The following BCAT2 variants were observed in gnomAD, a reference collection of about 807,000 sequenced individuals.
BCAT2 encodes branched chain amino acid transaminase 2, also known as branched-chain-amino-acid aminotransferase, mitochondrial.
A neutral mutation model predicts 52.9 loss-of-function variants in BCAT2; 44 were observed. The observed-to-expected ratio is 0.83, with a 90% CI of 0.65 to 1.07. The LOEUF (loss-of-function observed/expected upper bound fraction) is 1.07, where lower values mean the gene tolerates loss of function less well. Ranked by LOEUF, BCAT2 falls within the 50% of genes least tolerant of loss-of-function variation. The pLI is 0.00. For synonymous variants in BCAT2, 215 were observed against 217.1 expected, an observed-to-expected ratio of 0.99 and a Z score of 0.08; for missense variants, 478 against 521.8, an observed-to-expected ratio of 0.92 and a Z score of 0.82.
chr19:48,796,383 C>G (rs950530751), intron 10 of BCAT2, 45 bp downstream of exon 10: 1 of 1,611,654 alleles, frequency 6.2e-7, no homozygotes, highest in African/African-American at 1.3e-5. Context: ...CCAACTTCTC[C>G]AGGGAACAAG....
At position 48,807,218 on chromosome 19, in the gene BCAT2, T is replaced by G; in HGVS notation, c.25-144A>C. On this transcript the variant is annotated intron_variant, in intron 1 of 10. Transcript: ENST00000316273. The surrounding 1 kb of genome is among the most constrained non-coding windows in gnomAD (Gnocchi z 4.6). ...AGTCCATTCTAGACGGGGCAGGTGGTCCTGAAGGAGGCCAAGTCCCCTCCC... is the reference window on the plus strand; with the variant it reads ...AGTCCATTCTAGACGGGGCAGGTGGGCCTGAAGGAGGCCAAGTCCCCTCCC... 2.9e-6 allele frequency: 2 copies of G among 700,226 alleles called. No homozygotes were observed. Among genetic ancestry groups the G allele is most frequent in the Non-Finnish European group, 4.7e-6 (2 of 426,324 alleles). 43.4% of individuals were successfully genotyped at this position (700,226 alleles called of 1,614,324 possible).
intron 3 of BCAT2, 49 bp from the exon 4 acceptor site, chr19:48,800,346 A>C: frequency 6.6e-7 from 1 of 1,523,548 alleles, no homozygotes; most frequent in South Asian, 1.1e-5. Flanking sequence ...CCAGACAGTC[A>C]TGAGAGACAC....
rs533276867 is a variant in BCAT2, at chr19:48,799,877, C to A, written c.532-39G>T. The A allele has an allele frequency of 3.5e-4, 553 of 1,580,360 alleles. 4 individuals are homozygous for A. In the South Asian group the frequency reaches 6.0e-3, roughly 17 times the overall value. On this transcript the variant is annotated intron_variant, in intron 5 of 10. Coordinates refer to ENST00000316273, the MANE Select transcript of BCAT2 (RefSeq NM_001190.4). This position sits in a 1 kb window ranked among gnomAD's most constrained non-coding sequence, Gnocchi z 5.5. Reference sequence around the variant, plus strand: ...AGGGACAGCGTCAGGAGTCCAGGCCCCCAGTCCCTTCCCGTCCCCAGGCCC... The same window carrying A: ...AGGGACAGCGTCAGGAGTCCAGGCCACCAGTCCCTTCCCGTCCCCAGGCCC...
At position 48,797,035 on chromosome 19, in the gene BCAT2, T is replaced by C; in HGVS notation, c.839-13A>G. On this transcript the variant is annotated splice_polypyrimidine_tract_variant and intron_variant, in intron 7 of 10. Coordinates refer to ENST00000316273, the MANE Select transcript of BCAT2 (RefSeq NM_001190.4). Reference sequence around the variant, plus strand: ...ACCAGCTCCAGCACTAGGGCAGGTGTAAGGGGTGGAAGATGTTACCTCTCA... The same window carrying C: ...ACCAGCTCCAGCACTAGGGCAGGTGCAAGGGGTGGAAGATGTTACCTCTCA... The C allele has an allele frequency of 6.2e-7, 1 of 1,613,974 alleles. No individual in the cohort carries two copies. Among genetic ancestry groups the C allele is most frequent in the South Asian group, 1.1e-5 (1 of 91,074 alleles).
Position 48,807,667 on chromosome 19 carries a change from G to C in BCAT2, c.25-593C>G, listed in dbSNP as rs944912295. 1 of 950,730 alleles carries C rather than the reference G, an allele frequency of 1.1e-6. No homozygotes were observed. The highest frequency in any genetic ancestry group is 1.8e-5 in the African/African-American group (1 of 56,242). The allele number at this position is 950,730 out of a possible 1,614,324, so 58.9% of individuals were successfully genotyped here. The stretch of plus-strand genomic sequence containing the variant: ...CCCACCCCTCCTCCCTCAGACCCAG[G>C]AGTCCAGTTCCCCAGCCCCTCCTCC... On this transcript the variant is annotated intron_variant, in intron 1 of 10. Transcript: ENST00000316273. This position sits in a 1 kb window ranked among gnomAD's most constrained non-coding sequence, Gnocchi z 4.6.
chr19:48,810,848 C>T lies in BCAT2; in HGVS notation c.24+136G>A, dbSNP rs2122711787. ...GTGCTCCTTTCCAAAGGGCGCCATC[C>T]TCCTCCGCGCCCTGCAGCGGAACCC... On this transcript the variant is annotated intron_variant, in intron 1 of 10. Coordinates refer to ENST00000316273, the MANE Select transcript of BCAT2 (RefSeq NM_001190.4). The T allele has an allele frequency of 4.6e-6, 7 of 1,513,952 alleles. No homozygotes were observed. The South Asian group carries it at 7.4e-5, about 16-fold the overall frequency. 93.8% of individuals were successfully genotyped at this position (1,513,952 alleles called of 1,614,324 possible).
intron 2 of BCAT2, 95 bp downstream of exon 2, chr19:48,806,905 T>A: frequency 6.9e-7 from 1 of 1,458,060 alleles, no homozygotes; most frequent in East Asian, 2.3e-5. Context: ...CACCACTCAC[T>A]GCCATCTCTG....
At chr19:48,802,685 T>C (rs1355869096) in intron 3 of BCAT2, among the ~76,000 whole-genome samples, 1 of 151,902 alleles carries the variant, frequency 6.6e-6, no homozygotes, top group African/African-American at 2.4e-5. Flanking sequence ...TGACCTCAGG[T>C]GACCCACCTG....
chr19:48,799,499 T>G lies in BCAT2; in HGVS notation c.695+176A>C. On this transcript the variant is annotated intron_variant, in intron 6 of 10. Transcript: ENST00000316273. This position sits in a 1 kb window ranked among gnomAD's most constrained non-coding sequence, Gnocchi z 5.5. Reference sequence around the variant, plus strand: ...ATCTGAAAAATAATCCCCTCCTCCTTCCTTCCATGGTTTGTTTTCAGGGAC... The same window carrying G: ...ATCTGAAAAATAATCCCCTCCTCCTGCCTTCCATGGTTTGTTTTCAGGGAC... The G allele has an allele frequency of 1.3e-6, 1 of 796,146 alleles. No homozygotes were observed. The highest frequency in any genetic ancestry group is 1.8e-6 in the Non-Finnish European group (1 of 550,044). The allele number at this position is 796,146 out of a possible 1,614,324, so 49.3% of individuals were successfully genotyped here.
rs914031330 is a variant in BCAT2 at position 48,807,415 on chromosome 19, C to T, written c.25-341G>A. 9.8e-5 allele frequency: 23 copies of T among 233,718 alleles called. No individual in the cohort carries two copies. Among genetic ancestry groups the T allele is most frequent in the Admixed American group, 8.3e-4 (16 of 19,342 alleles). 14.5% of individuals were successfully genotyped at this position (233,718 alleles called of 1,614,324 possible). ...AGGCACACAGGTAAGTGAAGGCCTC[C>T]GGGTACCCAAGTGCTGACAGGCCTT... On this transcript the variant is annotated intron_variant, in intron 1 of 10. Transcript: ENST00000316273. The surrounding 1 kb of genome is among the most constrained non-coding windows in gnomAD (Gnocchi z 4.6).
In BCAT2 at chr19:48,807,375, G is replaced by A; in HGVS notation, c.25-301C>T. 3.3e-6 allele frequency: 1 copy of A among 305,970 alleles called. No homozygotes were observed. 19.0% of individuals were successfully genotyped at this position (305,970 alleles called of 1,614,324 possible). On this transcript the variant is annotated intron_variant, in intron 1 of 10. Coordinates refer to ENST00000316273, the MANE Select transcript of BCAT2 (RefSeq NM_001190.4). The surrounding 1 kb of genome is among the most constrained non-coding windows in gnomAD (Gnocchi z 4.6). ...GCAGCCTGGAGATCAGCTCAGACAA[G>A]AAAACAACCAGGGAAGGCACACAGG... is the stretch of plus-strand genomic sequence containing the variant.
At chr19:48,810,456 G>A (rs2034893865) in intron 1 of BCAT2, among the ~76,000 whole-genome samples, 1 of 152,110 alleles carries the variant, frequency 6.6e-6, no homozygotes, top group Non-Finnish European at 1.5e-5. Context: ...TTCCAATCCA[G>A]GTGCAAAGCT....
intron 1 of BCAT2, among the ~76,000 whole-genome samples, chr19:48,810,233 A>G (rs1446993810): frequency 1.3e-5 from 2 of 152,246 alleles, no homozygotes; most frequent in Admixed American, 1.3e-4. Flanking sequence ...TCAGGTGTAA[A>G]GTTAACAGAC....
In BCAT2 at chr19:48,796,677, C is replaced by G. The variant is rs953308191; in HGVS notation, c.966G>C (p.Gln322His). 1 of 1,613,598 alleles carries G rather than the reference C, an allele frequency of 6.2e-7. No individual in the cohort carries two copies. Among genetic ancestry groups the G allele is most frequent in the East Asian group, 2.2e-5 (1 of 44,876 alleles). ...RVVERTITMK[Q>H]LLRALEEGRV... The stretch of plus-strand genomic sequence containing the variant: ...GGCCCTCCTCCAGGGCCCGCAGCAA[C>G]TGCTTCATGGTGATCGTGCGCTCCA... The change falls in exon 9 of 11, where the codon CAG (glutamine) becomes CAC (histidine). Residue 322 changes from glutamine (Q) to histidine (H), a missense_variant. Gln to His is a conservative substitution (Grantham distance 24). Transcript: ENST00000316273.
At position 48,796,997 on chromosome 19, in the gene BCAT2, C is replaced by T; in HGVS notation, c.864G>A (p.Leu288=). The T allele has an allele frequency of 1.2e-6, 2 of 1,614,206 alleles. No homozygotes were observed. Among genetic ancestry groups the T allele is most frequent in the Non-Finnish European group, 1.7e-6 (2 of 1,180,030 alleles). Residue 288 remains leucine, a synonymous_variant, in exon 8 of 11, where the codon CTG becomes CTA. Coordinates refer to ENST00000316273, the MANE Select transcript of BCAT2 (RefSeq NM_001190.4). ...DGVLELVTPP[L]NGVILPGVVR... ...CCACTCCAGGCAGGATAACACCATTCAGCGGGGGCGTCACCAGCTCCAGCA... is the reference window on the plus strand; with the variant it reads ...CCACTCCAGGCAGGATAACACCATTTAGCGGGGGCGTCACCAGCTCCAGCA...
intron 6 of BCAT2, 96 bp from the exon 7 acceptor site, chr19:48,797,429 T>A: frequency 6.8e-7 from 1 of 1,461,772 alleles, no homozygotes; most frequent in African/African-American, 1.4e-5. Context: ...CCCGTCTCCC[T>A]GCTCACAGCT....
At chr19:48,805,621 G>A (rs959668803) in intron 3 of BCAT2, among the ~76,000 whole-genome samples, 5 of 115,016 alleles carry the variant, frequency 4.3e-5, no homozygotes, top group South Asian at 2.8e-4. Context: ...CCCCCTTCCC[G>A]CCATCTCCAA....
At position 48,799,350 on chromosome 19, in the gene BCAT2, G is replaced by A. The variant is rs2034602788; in HGVS notation, c.695+325C>T. The A allele has an allele frequency of 1.2e-5, 3 of 254,052 alleles. No homozygotes were observed. Among genetic ancestry groups the A allele is most frequent in the Non-Finnish European group, 1.5e-5 (2 of 134,616 alleles). The allele number at this position is 254,052 out of a possible 1,614,324, so 15.7% of individuals were successfully genotyped here. On this transcript the variant is annotated intron_variant, in intron 6 of 10. Transcript: ENST00000316273. The surrounding 1 kb of genome is among the most constrained non-coding windows in gnomAD (Gnocchi z 5.5). The stretch of plus-strand genomic sequence containing the variant: ...CAGCCCAGCCTGGGGGATCAGGGGA[G>A]GCTTCTGGGGCGAGAAGCCAATGAG...
rs766873285 is a variant in BCAT2, at chr19:48,806,502, C to T, written c.300+15G>A. Reference sequence around the variant, plus strand: ...TGCAGACAGGGACAGGGAGAGAGGCCGGCCGCCATGCCACCTGCAGGGAGT... The same window carrying T: ...TGCAGACAGGGACAGGGAGAGAGGCTGGCCGCCATGCCACCTGCAGGGAGT... On this transcript the variant is annotated intron_variant, in intron 3 of 10. Coordinates refer to ENST00000316273, the MANE Select transcript of BCAT2 (RefSeq NM_001190.4). 2.4e-5 allele frequency: 39 copies of T among 1,613,076 alleles called. No individual in the cohort carries two copies. Among genetic ancestry groups the T allele is most frequent in the Admixed American group, 1.3e-4 (8 of 59,976 alleles).
Sources: allele counts gnomAD v4.1 joint callset (sites outside exome capture counted in the v4.1 genomes callset), GRCh38; gene constraint gnomAD v4.1.1; non-coding constraint Gnocchi (gnomAD v3.1); transcripts MANE v1.5; gene names NCBI Gene and HGNC (gene_info 2026-07-23, HGNC 2026-07-21).